The following OR4K1 variants were observed in gnomAD, a reference collection of about 807,000 sequenced individuals.
OR4K1 encodes the protein olfactory receptor 4K1.
Under a neutral mutation model 14.4 loss-of-function variants are expected in OR4K1, and 16 were observed. The ratio of observed to expected loss-of-function variants is 1.11; its 90% CI spans 0.75 to 1.68. The LOEUF is 1.68. Among genes scored for constraint, OR4K1 ranks in the 40% most tolerant of loss-of-function variants. The pLI, the probability that OR4K1 is intolerant of heterozygous loss-of-function variation, is 0.00. For missense variants in OR4K1, 548 were observed against 376.9 expected (o/e 1.45, Z -3.76); for synonymous variants, 181 against 133.1 (o/e 1.36, Z -2.48).
chr14:19,921,722 A>G, the OR4K1 span: 7 of 881,302 alleles, frequency 7.9e-6, no homozygotes, highest in Non-Finnish European at 8.1e-6. Flanking sequence ...TTTTCTAGGT[A>G]TCAAGTGAAA....
chr14:19,933,296 A>C (rs1372148657), intron 1 of OR4K1, among the ~76,000 whole-genome samples: 1 of 152,182 alleles, frequency 6.6e-6, no homozygotes, highest in Non-Finnish European at 1.5e-5. Flanking sequence ...AACTGCATTT[A>C]ATAGGCTTTC....
At chr14:19,932,494 G>A (rs1882207584) in intron 1 of OR4K1, among the ~76,000 whole-genome samples, 1 of 152,316 alleles carries the variant, frequency 6.6e-6, no homozygotes, top group East Asian at 1.9e-4. Flanking sequence ...CATTTCACAT[G>A]TTAGAAAAGG....
upstream of OR4K1, among the ~76,000 whole-genome samples, chr14:19,929,359 C>CTGTGTGTG (rs59130422): frequency 2.3e-4 from 33 of 144,372 alleles, no homozygotes; most frequent in African/African-American, 4.1e-4. Flanking sequence ...ATATCACACT[C>CTGTGTGTG]TGTGTGTGTG....
intron 1 of OR4K1, 164 bp from the exon 2 acceptor site, chr14:19,935,484 G>C: frequency 1.8e-6 from 1 of 570,248 alleles, no homozygotes; most frequent in East Asian, 3.1e-5. Context: ...TAGCAGTCAT[G>C]GATGTTAAAT....
intron 1 of OR4K1, 38 bp from the exon 2 acceptor site, chr14:19,935,605 TAATGC>T: frequency 7.4e-7 from 1 of 1,349,650 alleles, no homozygotes; most frequent in Admixed American, 2.2e-5. Context: ...AGAGGTATTG[TAATGC>T]CAATCATTGT....
intron 1 of OR4K1, among the ~76,000 whole-genome samples, chr14:19,934,730 G>T (rs558748850): frequency 4.6e-5 from 7 of 152,200 alleles, no homozygotes; most frequent in African/African-American, 1.7e-4. Flanking sequence ...GAGTGCAGTG[G>T]TGTGATCTCG....
At position 19,935,923 on chromosome 14, in the gene OR4K1, T is replaced by G. The variant is rs138714506; in HGVS notation, c.257T>G (p.Phe86Cys). Residue 86 changes from phenylalanine to cysteine, a missense_variant, in exon 2 of 2, where the codon TTT becomes TGT. By Grantham distance (205) the Phe-to-Cys change is radical (BLOSUM62 -2). Coordinates refer to ENST00000641172, the MANE Select transcript of OR4K1 (RefSeq NM_001004063.3). ...ACCCCCAAGATGCTTGTAGACTTTTTTATTGAGCGCAAGACTATCTCCTTT... is the reference window on the plus strand; with the variant it reads ...ACCCCCAAGATGCTTGTAGACTTTTGTATTGAGCGCAAGACTATCTCCTTT... The part of the protein sequence containing the change: ...FATPKMLVDF[F>C]IERKTISFEG... 6.2e-7 allele frequency: 1 copy of G among 1,614,118 alleles called. No homozygotes were observed. Among genetic ancestry groups the G allele is most frequent in the Non-Finnish European group, 8.5e-7 (1 of 1,180,044 alleles).
chr14:19,935,482 A>G, intron 1 of OR4K1, 166 bp from the exon 2 acceptor site: 2 of 567,846 alleles, frequency 3.5e-6, no homozygotes. Flanking sequence ...CATAGCAGTC[A>G]TGGATGTTAA....
Position 19,935,935 on chromosome 14 carries a change from A to G in OR4K1, c.269A>G (p.Lys90Arg), listed in dbSNP as rs751230984. The part of the protein sequence containing the change: ...KMLVDFFIER[K>R]TISFEGCMAQ... The stretch of plus-strand genomic sequence containing the variant: ...CTTGTAGACTTTTTTATTGAGCGCA[A>G]GACTATCTCCTTTGAGGGTTGCATG... Residue 90 changes from lysine (K) to arginine (R), a missense_variant, in exon 2 of 2, where the codon AAG becomes AGG. By Grantham distance (26) the Lys-to-Arg change is conservative. Coordinates refer to ENST00000641172, the MANE Select transcript of OR4K1 (RefSeq NM_001004063.3). 1.4e-5 allele frequency: 22 copies of G among 1,614,082 alleles called. No homozygotes were observed. In the East Asian group the frequency reaches 4.2e-4, roughly 31 times the overall value.
At position 19,936,359 on chromosome 14, in the gene OR4K1, T is replaced by G; in HGVS notation, c.693T>G (p.Ser231Arg). The G allele has an allele frequency of 6.2e-7, 1 of 1,614,244 alleles. No homozygotes were observed. Among genetic ancestry groups the G allele is most frequent in the Non-Finnish European group, 8.5e-7 (1 of 1,180,040 alleles). Residue 231 changes from serine (S) to arginine (R), a missense_variant, in exon 2 of 2, where the codon AGT becomes AGG. Physicochemically the swap from Ser to Arg is moderately radical, Grantham distance 110. Coordinates refer to ENST00000641172, the MANE Select transcript of OR4K1 (RefSeq NM_001004063.3). ...TCGGTGTCCGATGCAGGTCCTCCAG[T>G]GGGTCATCTAAGGCTCTTTCTACAT... ...ILIGVRCRSS[S>R]GSSKALSTLT...
chr14:19,930,289 A>T (rs1421389816), upstream of OR4K1, among the ~76,000 whole-genome samples: 1 of 152,198 alleles, frequency 6.6e-6, no homozygotes, highest in East Asian at 1.9e-4. Flanking sequence ...AGTAATAGGG[A>T]ATCTTACCTT....
chr14:19,920,909 T>G, the OR4K1 span: 6 of 1,614,172 alleles, frequency 3.7e-6, no homozygotes, highest in South Asian at 2.2e-5. Context: ...TAGCCCAAAT[T>G]TTCTTTATTC....
chr14:19,933,897 A>C (rs889300327), intron 1 of OR4K1, among the ~76,000 whole-genome samples: 4 of 152,176 alleles, frequency 2.6e-5, no homozygotes, highest in African/African-American at 9.7e-5. Flanking sequence ...CATTCTTCTT[A>C]AAACCAATTC....
At chr14:19,920,821 G>C in the OR4K1 span, 3 of 1,614,172 alleles carry the variant, frequency 1.9e-6, no homozygotes, top group Non-Finnish European at 2.5e-6. Flanking sequence ...GTTGACATTT[G>C]TCAGGCTTCT....
At chr14:19,921,481 G>T in the OR4K1 span, 1 of 1,614,038 alleles carries the variant, frequency 6.2e-7, no homozygotes, top group South Asian at 1.1e-5. Flanking sequence ...CTAAGGAATA[G>T]GGATATGAAG....
the OR4K1 span, chr14:19,920,823 C>T: frequency 3.1e-6 from 5 of 1,614,074 alleles, no homozygotes; most frequent in African/African-American, 4.0e-5. Flanking sequence ...TGACATTTGT[C>T]AGGCTTCTTT....
chr14:19,928,123 T>A (rs1882099574), upstream of OR4K1, among the ~76,000 whole-genome samples: 3 of 152,214 alleles, frequency 2.0e-5, no homozygotes, highest in African/African-American at 7.2e-5. Context: ...GACAGTTAAT[T>A]TGCAATTTTG....
At chr14:19,934,624 T>C (rs532637835) in intron 1 of OR4K1, among the ~76,000 whole-genome samples, 163 of 152,348 alleles carry the variant, frequency 1.1e-3, no homozygotes, top group African/African-American at 3.6e-3. Flanking sequence ...CTTCCTTCTC[T>C]ATTATAGCAA....
intron 1 of OR4K1, among the ~76,000 whole-genome samples, chr14:19,934,954 T>C (rs1882271365): frequency 6.6e-6 from 1 of 152,242 alleles, no homozygotes; most frequent in Admixed American, 6.5e-5. Context: ...ATTACAGGCA[T>C]GACCCACCGT....
Sources: gnomAD v4.1 joint callset for allele counts (sites outside exome capture counted in the v4.1 genomes callset) on GRCh38, gnomAD v4.1.1 for gene constraint, MANE v1.5 for transcripts, NCBI Gene and HGNC (gene_info 2026-07-23, HGNC 2026-07-21) for gene names.